OTOGL: variants seen among roughly 807,000 people sequenced by gnomAD.
OTOGL encodes otogelin-like protein.
In OTOGL, 285 loss-of-function variants were observed where a neutral mutation model predicts 318.5. That is an observed-to-expected ratio of 0.89 (90% CI 0.81 to 0.99). The LOEUF is 0.99. OTOGL is among the 50% of genes least tolerant of loss of function. The pLI, the probability that OTOGL is intolerant of heterozygous loss-of-function variation, is 0.00. For synonymous variants in OTOGL, 987 were observed against 936.5 expected, an observed-to-expected ratio of 1.05 and a Z score of -0.99; for missense variants, 2,899 against 2,845.6, an observed-to-expected ratio of 1.02 and a Z score of -0.43.
intron 37 of OTOGL, among the ~76,000 whole-genome samples, chr12:80,331,566 C>T (rs935532841): frequency 3.3e-5 from 5 of 152,000 alleles, no homozygotes; most frequent in East Asian, 3.9e-4. Context: ...TCTTGAACTC[C>T]GGGCCTCAAA....
At chr12:80,356,026 T>C in intron 47 of OTOGL, 78 bp downstream of exon 47, 1 of 1,424,386 alleles carries the variant, frequency 7.0e-7, no homozygotes, top group Non-Finnish European at 9.7e-7. Flanking sequence ...AGAGCATATA[T>C]AATGCTTTGT....
At chr12:80,306,684 GCTAT>G (rs1314566638) in intron 29 of OTOGL, among the ~76,000 whole-genome samples, 1 of 151,460 alleles carries the variant, frequency 6.6e-6, no homozygotes. Flanking sequence ...TTTAACTGTG[GCTAT>G]CTTACATCTT....
chr12:80,371,437 A>C (rs923229692), intron 56 of OTOGL, among the ~76,000 whole-genome samples: 1 of 152,038 alleles, frequency 6.6e-6, no homozygotes, highest in Non-Finnish European at 1.5e-5. Flanking sequence ...TCTGGAAAAA[A>C]CTTGGGCATC....
intron 8 of OTOGL, among the ~76,000 whole-genome samples, chr12:80,229,772 A>G (rs957664226): frequency 2.0e-5 from 3 of 151,146 alleles, no homozygotes; most frequent in African/African-American, 7.3e-5. Flanking sequence ...TTAAAAATCT[A>G]TTTTCTTTTA....
chr12:80,201,109 C>A (rs966326637), intron 1 of OTOGL, among the ~76,000 whole-genome samples: 8 of 152,170 alleles, frequency 5.3e-5, no homozygotes, highest in African/African-American at 1.9e-4. Context: ...TTAGGCATAA[C>A]CTATGGAGGC....
chr12:80,156,186 G>A (rs1873103327), intron 1 of OTOGL, among the ~76,000 whole-genome samples: 1 of 152,176 alleles, frequency 6.6e-6, no homozygotes, highest in South Asian at 2.1e-4. Context: ...CTGCCAGCGT[G>A]GCCAGAATGG....
At chr12:80,108,955 C>G (rs61953071) in intron 1 of OTOGL, among the ~76,000 whole-genome samples, 6 of 133,130 alleles carry the variant, frequency 4.5e-5, no homozygotes, top group Non-Finnish European at 7.8e-5. Context: ...TATATATATA[C>G]ACACACACAT....
intron 32 of OTOGL, 22 bp from the exon 33 acceptor site, chr12:80,318,524 T>A (rs574277741): frequency 1.6e-6 from 2 of 1,219,780 alleles, no homozygotes; most frequent in African/African-American, 1.6e-5. Context: ...AATTTATAAT[T>A]CTAATATTTA....
At chr12:80,116,231 G>A (rs964757808) in intron 1 of OTOGL, among the ~76,000 whole-genome samples, 2 of 152,114 alleles carry the variant, frequency 1.3e-5, no homozygotes, top group African/African-American at 4.8e-5. Flanking sequence ...CTGTGGGAGA[G>A]GTGTAGTATC....
intron 20 of OTOGL, 100 bp downstream of exon 20, chr12:80,265,310 C>A: frequency 1.8e-6 from 2 of 1,141,528 alleles, no homozygotes; most frequent in Non-Finnish European, 2.5e-6. Flanking sequence ...GTCAATATTG[C>A]ATGTAAGTTA....
At chr12:80,108,149 G>A (rs1201183329) in intron 1 of OTOGL, among the ~76,000 whole-genome samples, 1 of 152,012 alleles carries the variant, frequency 6.6e-6, no homozygotes, top group Non-Finnish European at 1.5e-5. Context: ...CAGGAAGTTG[G>A]CAAATAGATT....
At chr12:80,374,022 C>T (rs1346304575) in intron 57 of OTOGL, among the ~76,000 whole-genome samples, 4 of 152,106 alleles carry the variant, frequency 2.6e-5, no homozygotes, top group Admixed American at 6.6e-5. Context: ...AAAAGTCCAA[C>T]AGGATGGCCT....
At chr12:80,239,764 T>G (rs1424003708) in intron 11 of OTOGL, among the ~76,000 whole-genome samples, 4 of 152,140 alleles carry the variant, frequency 2.6e-5, no homozygotes, top group African/African-American at 9.7e-5. Flanking sequence ...CTTGCTATTC[T>G]GAAATATACA....
At chr12:80,356,960 G>GA in intron 49 of OTOGL, 46 bp downstream of exon 49, 1 of 1,242,120 alleles carries the variant, frequency 8.1e-7, no homozygotes, top group Non-Finnish European at 1.1e-6. Flanking sequence ...AAAGGATCTA[G>GA]GAAAAAAATC....
chr12:80,348,838 C>A (rs1889365447), intron 44 of OTOGL, among the ~76,000 whole-genome samples: 1 of 152,100 alleles, frequency 6.6e-6, no homozygotes, highest in Non-Finnish European at 1.5e-5. Context: ...CTTGCTGTTT[C>A]CCCAGCTGGA....
rs763867593 is a variant in OTOGL at position 80,266,437 on chromosome 12, T to G, written c.2225-14T>G. ...CATGGCAATCTTTCTCAAGTGATAC[T>G]TCTTTGTCCTTAGCTGTGGTGTGCC... is the stretch of plus-strand genomic sequence containing the variant. On this transcript the variant is annotated splice_polypyrimidine_tract_variant and intron_variant, in intron 20 of 58. Coordinates refer to ENST00000547103, the MANE Select transcript of OTOGL (RefSeq NM_001378609.3). 6.2e-7 allele frequency: 1 copy of G among 1,612,676 alleles called. No individual in the cohort carries two copies. The highest frequency in any genetic ancestry group is 8.5e-7 in the Non-Finnish European group (1 of 1,179,102).
intron 2 of OTOGL, among the ~76,000 whole-genome samples, chr12:80,210,449 A>G (rs1877161799): frequency 6.6e-6 from 1 of 152,120 alleles, no homozygotes; most frequent in African/African-American, 2.4e-5. Context: ...CCCCAAGGAG[A>G]ACGATGTCAC....
intron 11 of OTOGL, among the ~76,000 whole-genome samples, chr12:80,243,869 A>G (rs971518223): frequency 2.2e-5 from 3 of 135,124 alleles, no homozygotes; most frequent in Non-Finnish European, 4.5e-5. Context: ...ATATATATAT[A>G]CGATTCCATT....
intron 1 of OTOGL, among the ~76,000 whole-genome samples, chr12:80,151,302 G>C (rs563586908): frequency 6.6e-6 from 1 of 152,134 alleles, no homozygotes; most frequent in South Asian, 2.1e-4. Flanking sequence ...AAGGCAAGAC[G>C]AGCCTAAAGT....
Sources: allele counts gnomAD v4.1 joint callset (sites outside exome capture counted in the v4.1 genomes callset), GRCh38; gene constraint gnomAD v4.1.1; transcripts MANE v1.5; gene names NCBI Gene and HGNC (gene_info 2026-07-23, HGNC 2026-07-21).